PTPRQ: variants seen among roughly 807,000 people sequenced by gnomAD.
PTPRQ encodes protein tyrosine phosphatase receptor type Q.
A neutral mutation model predicts 246.0 loss-of-function variants in PTPRQ; 199 were observed. The observed-to-expected ratio is 0.81, with a 90% CI of 0.72 to 0.91. The LOEUF is 0.91. Among genes scored for constraint, PTPRQ ranks in the 40% least tolerant of loss-of-function variants. The pLI, the probability that PTPRQ is intolerant of heterozygous loss-of-function variation, is 0.00. For synonymous variants in PTPRQ, 869 were observed against 853.2 expected (o/e 1.02, Z -0.32); for missense variants, 2,624 against 2,528.4 (o/e 1.04, Z -0.81).
chr12:80,658,090 T>C (rs1900503090), intron 39 of PTPRQ, 29 bp downstream of exon 39: 1 of 1,221,646 alleles, frequency 8.2e-7, no homozygotes, highest in Non-Finnish European at 1.1e-6. Context: ...TATTTTATAA[T>C]TGTATAAAAC....
At chr12:80,449,485 C>G (rs566548640) in intron 3 of PTPRQ, among the ~76,000 whole-genome samples, 1 of 152,140 alleles carries the variant, frequency 6.6e-6, no homozygotes, top group Non-Finnish European at 1.5e-5. Flanking sequence ...CCTAGGTTTA[C>G]TTCTAGGGTT....
intron 8 of PTPRQ, among the ~76,000 whole-genome samples, chr12:80,482,200 G>A (rs1894089943): frequency 6.7e-6 from 1 of 149,850 alleles, no homozygotes; most frequent in Non-Finnish European, 1.5e-5. Context: ...GAACAGAACA[G>A]AGCCCTCAGA....
In PTPRQ at chr12:80,534,982, G is replaced by T; in HGVS notation, c.2930G>T (p.Gly977Val). The T allele has an allele frequency of 6.5e-7, 1 of 1,548,366 alleles. No homozygotes were observed. The highest frequency in any genetic ancestry group is 8.7e-7 in the Non-Finnish European group (1 of 1,145,752). Residue 977 changes from glycine (G) to valine (V), a missense_variant, in exon 19 of 45, where the codon GGG (glycine) becomes GTG (valine). By Grantham distance (109) the Gly-to-Val change is moderately radical. Transcript: ENST00000644991. Reference protein sequence around the residue: ...LFWTPPSKPNGIIQYYSVYYR... With the variant: ...LFWTPPSKPNVIIQYYSVYYR... ...TGGACACCTCCTTCAAAACCTAATG[G>T]GATTATACAATATTACTCTGTTTAT... is the stretch of plus-strand genomic sequence containing the variant.
chr12:80,630,499 A>T (rs938884106), intron 33 of PTPRQ, among the ~76,000 whole-genome samples: 1 of 152,164 alleles, frequency 6.6e-6, no homozygotes, highest in Admixed American at 6.6e-5. Flanking sequence ...TGATTGTTAC[A>T]CGTGATGCTA....
At chr12:80,593,170 GC>G (rs1897859874) in intron 26 of PTPRQ, among the ~76,000 whole-genome samples, 1 of 152,100 alleles carries the variant, frequency 6.6e-6, no homozygotes, top group Non-Finnish European at 1.5e-5. Context: ...TTGTACTCAA[GC>G]ACTTACTAAT....
intron 25 of PTPRQ, among the ~76,000 whole-genome samples, chr12:80,558,058 C>T (rs560812053): frequency 6.6e-6 from 1 of 151,022 alleles, no homozygotes; most frequent in South Asian, 2.1e-4. Context: ...TCCCTTCCTC[C>T]CTTCCTTCCC....
At chr12:80,618,360 TCA>T (rs3071377) in intron 30 of PTPRQ, among the ~76,000 whole-genome samples, 31,013 of 125,170 alleles carry the variant, frequency 0.25, 3,745 homozygotes, top group African/African-American at 0.37. Context: ...AGCACTACAT[TCA>T]CACACACACA....
chr12:80,486,124 A>G (rs530796212), intron 9 of PTPRQ, among the ~76,000 whole-genome samples: 1 of 152,260 alleles, frequency 6.6e-6, no homozygotes, highest in South Asian at 2.1e-4. Flanking sequence ...TAAGATAGTG[A>G]TTATAAGTCC....
rs994361210 is a variant in PTPRQ, at chr12:80,588,213, T to A, written c.4370T>A (p.Leu1457His). 6.4e-7 allele frequency: 1 copy of A among 1,551,528 alleles called. No individual in the cohort carries two copies. The highest frequency in any genetic ancestry group is 1.4e-5 in the African/African-American group (1 of 73,060). ...TLTWIRPDTILGYFQNYKITT... is the reference protein window; with the variant it reads ...TLTWIRPDTIHGYFQNYKITT... ...ACATGGATAAGACCTGACACTATCC[T>A]TGGCTACTTTCAAAATTACAAAATT... Residue 1457 changes from leucine (L) to histidine (H), a missense_variant, in exon 26 of 45, where the codon CTT (leucine) becomes CAT (histidine). Coordinates refer to ENST00000644991, the MANE Select transcript of PTPRQ (RefSeq NM_001145026.2).
intron 17 of PTPRQ, among the ~76,000 whole-genome samples, chr12:80,516,913 A>C (rs992270897): frequency 6.6e-6 from 1 of 152,218 alleles, no homozygotes; most frequent in Non-Finnish European, 1.5e-5. Context: ...GACAAGTAGC[A>C]TTATAGACAT....
chr12:80,471,984 A>T, intron 7 of PTPRQ, 121 bp from the exon 8 acceptor site: 1 of 1,230,346 alleles, frequency 8.1e-7, no homozygotes. Flanking sequence ...TTGATATTAT[A>T]ATAACAAATT....
chr12:80,473,082 A>G (rs1276408835), intron 8 of PTPRQ, among the ~76,000 whole-genome samples: 1 of 149,772 alleles, frequency 6.7e-6, no homozygotes, highest in Admixed American at 6.6e-5. Flanking sequence ...CACACAGGTC[A>G]TACATTCATC....
intron 14 of PTPRQ, among the ~76,000 whole-genome samples, chr12:80,505,781 G>C (rs1331990392): frequency 6.6e-6 from 1 of 151,878 alleles, no homozygotes; most frequent in East Asian, 1.9e-4. Context: ...TTTAGTAAAC[G>C]TATCATCTTA....
Position 80,510,326 on chromosome 12 carries a change from C to G in PTPRQ, c.2561C>G (p.Pro854Arg). ...PISILTEEDA[P>R]DSPPQDFSVK... ...ATTCTATACCCTAACTTTACAGCTCCTGATTCTCCCCCTCAAGACTTCTCT... is the reference window on the plus strand; with the variant it reads ...ATTCTATACCCTAACTTTACAGCTCGTGATTCTCCCCCTCAAGACTTCTCT... The change falls in exon 17 of 45, where the codon CCT becomes CGT. Residue 854 changes from proline to arginine, a missense_variant. Coordinates refer to ENST00000644991, the MANE Select transcript of PTPRQ (RefSeq NM_001145026.2). 6.5e-7 allele frequency: 1 copy of G among 1,542,682 alleles called. No individual in the cohort carries two copies. Among genetic ancestry groups the G allele is most frequent in the South Asian group, 1.2e-5 (1 of 82,042 alleles).
At chr12:80,660,990 T>A (rs1900609776) in intron 39 of PTPRQ, among the ~76,000 whole-genome samples, 1 of 143,984 alleles carries the variant, frequency 6.9e-6, no homozygotes, top group Non-Finnish European at 1.5e-5. Context: ...AGCATGTATA[T>A]TTCCTCTTAT....
At chr12:80,469,101 G>A (rs1371017760) in intron 7 of PTPRQ, among the ~76,000 whole-genome samples, 1 of 152,156 alleles carries the variant, frequency 6.6e-6, no homozygotes, top group Non-Finnish European at 1.5e-5. Context: ...CAAGAAAAAA[G>A]TGTTAGTGGA....
intron 25 of PTPRQ, among the ~76,000 whole-genome samples, chr12:80,560,780 A>G (rs944443804): frequency 3.3e-5 from 5 of 152,232 alleles, no homozygotes; most frequent in African/African-American, 1.2e-4. Flanking sequence ...TTTCTTTGGA[A>G]AATGTATCAC....
At chr12:80,523,933 T>A (rs1172971729) in intron 17 of PTPRQ, among the ~76,000 whole-genome samples, 2 of 152,260 alleles carry the variant, frequency 1.3e-5, no homozygotes, top group African/African-American at 4.8e-5. Flanking sequence ...TAACTTTCTG[T>A]CTCATTGATC....
At chr12:80,618,443 T>C (rs76446631) in intron 30 of PTPRQ, among the ~76,000 whole-genome samples, 2,551 of 151,126 alleles carry the variant, frequency 0.017, 79 homozygotes, top group African/African-American at 0.058. Context: ...AGAGCTTCTA[T>C]ACATATATTT....
Sources: allele counts gnomAD v4.1 joint callset (sites outside exome capture counted in the v4.1 genomes callset), GRCh38; gene constraint gnomAD v4.1.1; transcripts MANE v1.5; gene names NCBI Gene and HGNC (gene_info 2026-07-23, HGNC 2026-07-21).